Variants in DHCR7 observed in about 807,000 individuals in gnomAD.
The protein encoded by DHCR7 is 7-DHC reductase.
Under a neutral mutation model 43.3 loss-of-function variants are expected in DHCR7, and 40 were observed. The ratio of observed to expected loss-of-function variants is 0.92; its 90% CI spans 0.72 to 1.20. The LOEUF (loss-of-function observed/expected upper bound fraction) is 1.20, where lower values mean the gene tolerates loss of function less well. Among genes scored for constraint, DHCR7 ranks in the 50% most tolerant of loss-of-function variants. The pLI, the probability that DHCR7 is intolerant of heterozygous loss-of-function variation, is 0.00. For missense variants in DHCR7, 608 were observed against 644.6 expected (o/e 0.94, Z 0.62); for synonymous variants, 298 against 271.4 (o/e 1.10, Z -0.96).
chr11:71,448,576 C>A (rs1949430539), upstream of DHCR7: 1 of 152,292 alleles, frequency 6.6e-6, no homozygotes, highest in African/African-American at 2.4e-5. Context: ...CCCGCCCTGC[C>A]GCCCCACCGG....
At position 71,444,767 on chromosome 11, in the gene DHCR7, A is replaced by G. The variant is rs114935527; in HGVS notation, c.98+88T>C. Reference sequence around the variant, plus strand: ...AAAATCTTTTTTAAAAAGGTCCTTCATTCCTTTGGGTCCATACAATTCCAA... The same window carrying G: ...AAAATCTTTTTTAAAAAGGTCCTTCGTTCCTTTGGGTCCATACAATTCCAA... On this transcript the variant is annotated intron_variant, in intron 3 of 8. Transcript: ENST00000355527. 2,571 of 1,189,434 alleles carry G rather than the reference A, an allele frequency of 2.2e-3. 52 individuals are homozygous for G. The African/African-American group carries it at 0.034, about 16-fold the overall frequency. 73.7% of individuals were successfully genotyped at this position (1,189,434 alleles called of 1,614,324 possible). A position where few individuals can be genotyped will look rare whatever the true frequency, so the allele number is the denominator to read the frequency against.
intron 7 of DHCR7, chr11:71,438,654 T>C (rs1949315006): frequency 3.3e-6 from 2 of 608,810 alleles, no homozygotes; most frequent in East Asian, 5.6e-5. Context: ...CACGCCTGGC[T>C]GCGTAGAACC....
intron 3 of DHCR7, 167 bp from the exon 4 acceptor site, chr11:71,444,382 C>T (rs2851692): frequency 1.8e-5 from 12 of 651,722 alleles, no homozygotes; most frequent in Non-Finnish European, 2.8e-5. Context: ...GGAAGCCACT[C>T]AACATGCCTG....
At chr11:71,431,929 TCCTCCTGCCTCAG>T (rs1230561412), downstream of DHCR7, among the ~76,000 whole-genome samples, 1 of 152,178 alleles carries the variant, frequency 6.6e-6, no homozygotes, top group East Asian at 1.9e-4. Context: ...GCTCAGGTGA[TCCTCCTGCCTCAG>T]CCTCCTGAAT....
rs1949427201 is a variant in DHCR7, at chr11:71,448,337, G to C, written c.-179C>G. On this transcript the variant is annotated 5_prime_UTR_variant, in exon 1 of 9. Coordinates refer to ENST00000355527, the MANE Select transcript of DHCR7 (RefSeq NM_001360.3). ...CCTGCGCCCACCTTCCCCTGGCCTC[G>C]CTTGCGCGCGCTGCTCCACGCCGCC... 6.5e-6 allele frequency: 1 copy of C among 153,786 alleles called. No homozygotes were observed. Among genetic ancestry groups the C allele is most frequent in the Non-Finnish European group, 1.4e-5 (1 of 69,234 alleles). The allele number at this position is 153,786 out of a possible 1,614,324, so 9.5% of individuals were successfully genotyped here.
downstream of DHCR7, among the ~76,000 whole-genome samples, chr11:71,428,024 C>T (rs779689932): frequency 1.1e-4 from 16 of 152,130 alleles, no homozygotes; most frequent in Non-Finnish European, 5.9e-5. Flanking sequence ...ATCTAAATTC[C>T]CAGATGCCAC....
At chr11:71,443,065 T>C (rs1304705495) in intron 4 of DHCR7, among the ~76,000 whole-genome samples, 1 of 152,230 alleles carries the variant, frequency 6.6e-6, no homozygotes, top group Non-Finnish European at 1.5e-5. Flanking sequence ...GCAGCCTCTG[T>C]GACTGGCTTC....
chr11:71,435,915 C>A (rs923905452), intron 8 of DHCR7, 76 bp from the exon 9 acceptor site: 1 of 1,259,730 alleles, frequency 7.9e-7, no homozygotes, highest in South Asian at 1.3e-5. Flanking sequence ...GGGGGCCCAG[C>A]GGCCTGGGGT....
Position 71,435,769 on chromosome 11 carries a change from A to G in DHCR7, c.1034T>C (p.Leu345Pro). The change falls in exon 9 of 9, where the codon CTG becomes CCG. Residue 345 changes from leucine to proline, a missense_variant. Transcript: ENST00000355527. ...PHAVGVLLLG[L>P]VGYYIFRVAN... ...CACCCGGAAGATGTAGTAGCCCACC[A>G]GGCCCAGCAGCAGGACGCCCACGGC... is the stretch of plus-strand genomic sequence containing the variant. The G allele has an allele frequency of 1.9e-6, 3 of 1,609,752 alleles. No homozygotes were observed. Among genetic ancestry groups the G allele is most frequent in the Non-Finnish European group, 2.5e-6 (3 of 1,177,230 alleles).
Position 71,438,062 on chromosome 11 carries a change from C to T in DHCR7, c.832-119G>A, listed in dbSNP as rs1015222818. ...GTGCTCGGGAGCTGCTCAGCAACTTCCTCAATGCTGGGGCTGTTCCTTCCC... is the reference window on the plus strand; with the variant it reads ...GTGCTCGGGAGCTGCTCAGCAACTTTCTCAATGCTGGGGCTGTTCCTTCCC... On this transcript the variant is annotated intron_variant, in intron 7 of 8. Coordinates refer to ENST00000355527, the MANE Select transcript of DHCR7 (RefSeq NM_001360.3). The T allele has an allele frequency of 1.9e-5, 23 of 1,193,622 alleles. 3 individuals are homozygous for T. The Admixed American group carries it at 2.7e-4, about 14-fold the overall frequency. The allele number at this position is 1,193,622 out of a possible 1,614,324, so 73.9% of individuals were successfully genotyped here.
Position 71,441,310 on chromosome 11 carries a change from C to G in DHCR7, c.543G>C (p.Leu181=), listed in dbSNP as rs146839126. ...CATAGCCAAGGATGTTGGCGCACCA[C>G]AGCAGTGGGATCCAGTTGTCGAAGA... is the stretch of plus-strand genomic sequence containing the variant. ...TIIFDNWIPL[L]WCANILGYAV... The change falls in exon 6 of 9, where the codon CTG becomes CTC. Residue 181 remains leucine, a synonymous_variant. Transcript: ENST00000355527. 1.5e-5 allele frequency: 25 copies of G among 1,614,254 alleles called. No homozygotes were observed. In the African/African-American group the frequency reaches 2.9e-4, roughly 19 times the overall value.
intron 2 of DHCR7, among the ~76,000 whole-genome samples, chr11:71,445,213 A>G (rs1024148000): frequency 2.0e-5 from 3 of 152,192 alleles, no homozygotes; most frequent in Non-Finnish European, 4.4e-5. Context: ...TTCTCCAAAC[A>G]TGGCAGAATG....
chr11:71,435,797 G>T lies in DHCR7; in HGVS notation c.1006C>A (p.His336Asn). ...CCCAGCAGCAGGACGCCCACGGCGTGCGGGGTGGACAGCTGCACGGGGTGG... is the reference window on the plus strand; with the variant it reads ...CCCAGCAGCAGGACGCCCACGGCGTTCGGGGTGGACAGCTGCACGGGGTGG... ...VYHPVQLSTP[H>N]AVGVLLLGLV... The change falls in exon 9 of 9, where the codon CAC becomes AAC. Residue 336 changes from histidine to asparagine, a missense_variant. Coordinates refer to ENST00000355527, the MANE Select transcript of DHCR7 (RefSeq NM_001360.3). The T allele has an allele frequency of 6.2e-7, 1 of 1,607,926 alleles. No individual in the cohort carries two copies. Among genetic ancestry groups the T allele is most frequent in the Non-Finnish European group, 8.5e-7 (1 of 1,176,328 alleles).
At position 71,435,397 on chromosome 11, in the gene DHCR7, C is replaced by T. The variant is rs201150384; in HGVS notation, c.1406G>A (p.Arg469His). ...WERYTAAVPY[R>H]LLPGIF is the part of the protein sequence containing the mutation. ...CCCTTAGAAGATTCCAGGCAGCAGG[C>T]GGTAAGGCACTGCGGCGGTGTAGCG... The change falls in exon 9 of 9, where the codon CGC becomes CAC. Residue 469 changes from arginine (R) to histidine (H), a missense_variant. Transcript: ENST00000355527. 65 of 1,612,362 alleles carry T rather than the reference C, an allele frequency of 4.0e-5. No homozygotes were observed. The East Asian group carries it at 1.1e-3, about 27-fold the overall frequency.
At chr11:71,442,733 C>T (rs904467924) in intron 4 of DHCR7, among the ~76,000 whole-genome samples, 5 of 152,098 alleles carry the variant, frequency 3.3e-5, no homozygotes, top group South Asian at 2.1e-4. Context: ...CATAGCTCAC[C>T]GCAGCGTTGT....
Position 71,437,954 on chromosome 11 carries a change from G to C in DHCR7, c.832-11C>G. On this transcript the variant is annotated splice_polypyrimidine_tract_variant and intron_variant, in intron 7 of 8. Coordinates refer to ENST00000355527, the MANE Select transcript of DHCR7 (RefSeq NM_001360.3). ...AATCACGTAGATGGCCTGCAAGACA[G>C]AAGCAGCCGCTGACCACCCCCGGCC... 6.2e-7 allele frequency: 1 copy of C among 1,612,008 alleles called. No homozygotes were observed. Among genetic ancestry groups the C allele is most frequent in the Non-Finnish European group, 8.5e-7 (1 of 1,179,980 alleles).
chr11:71,445,011 T>C, intron 2 of DHCR7, 53 bp from the exon 3 acceptor site: 1 of 1,507,808 alleles, frequency 6.6e-7, no homozygotes, highest in South Asian at 1.1e-5. Flanking sequence ...AGACACCACC[T>C]TTCCCTGTTG....
At chr11:71,440,508 G>A (rs1465517256) in intron 6 of DHCR7, among the ~76,000 whole-genome samples, 1 of 151,086 alleles carries the variant, frequency 6.6e-6, no homozygotes, top group Non-Finnish European at 1.5e-5. Context: ...TGGGGAGATG[G>A]GCAGGTGGAT....
intron 6 of DHCR7, among the ~76,000 whole-genome samples, chr11:71,439,354 C>T (rs1274108857): frequency 5.9e-5 from 9 of 152,180 alleles, no homozygotes; most frequent in East Asian, 1.9e-4. Flanking sequence ...GCTCTGCACC[C>T]GGGAAGGGTG....
Sources: gnomAD v4.1 joint callset for allele counts (sites outside exome capture counted in the v4.1 genomes callset) on GRCh38, gnomAD v4.1.1 for gene constraint, MANE v1.5 for transcripts, NCBI Gene and HGNC (gene_info 2026-07-23, HGNC 2026-07-21) for gene names.